The following TNNI3K variants were observed in gnomAD, a reference collection of about 807,000 sequenced individuals.
TNNI3K encodes serine/threonine-protein kinase TNNI3K.
Under a neutral mutation model 114.5 loss-of-function variants are expected in TNNI3K, and 140 were observed. That is an observed-to-expected ratio of 1.22 (90% CI 1.07 to 1.41). The LOEUF is 1.41. Among genes scored for constraint, TNNI3K ranks in the 40% most tolerant of loss-of-function variants. The pLI is 0.00. For synonymous variants in TNNI3K, 347 were observed against 347.5 expected, an observed-to-expected ratio of 1.00 and a Z score of 0.02; for missense variants, 1,125 against 1,007.6, an observed-to-expected ratio of 1.12 and a Z score of -1.58.
At chr1:74,352,340 G>A (rs1661402039) in intron 9 of TNNI3K, among the ~76,000 whole-genome samples, 1 of 152,164 alleles carries the variant, frequency 6.6e-6, no homozygotes, top group South Asian at 2.1e-4. Flanking sequence ...TTTTGTCTCA[G>A]AGGAGTACCC....
At chr1:74,457,789 G>A (rs1667288057) in intron 20 of TNNI3K, among the ~76,000 whole-genome samples, 1 of 152,046 alleles carries the variant, frequency 6.6e-6, no homozygotes, top group Non-Finnish European at 1.5e-5. Flanking sequence ...CCGTAAGTGG[G>A]GTATAGATAA....
intron 5 of TNNI3K, among the ~76,000 whole-genome samples, chr1:74,317,385 T>G (rs1474953479): frequency 3.3e-5 from 5 of 152,184 alleles, no homozygotes; most frequent in South Asian, 2.1e-4. Context: ...AAATATTAAC[T>G]CTCAATCTTT....
chr1:74,484,668 T>C (rs1668662792), intron 21 of TNNI3K, among the ~76,000 whole-genome samples: 1 of 152,000 alleles, frequency 6.6e-6, no homozygotes, highest in African/African-American at 2.4e-5. Context: ...CTCAAGGGCA[T>C]GAGGAGGTTG....
intron 5 of TNNI3K, among the ~76,000 whole-genome samples, chr1:74,321,469 C>G (rs902069806): frequency 6.6e-6 from 1 of 151,974 alleles, no homozygotes; most frequent in Non-Finnish European, 1.5e-5. Context: ...CAATTATTAC[C>G]TCTATAAAAT....
At chr1:74,401,678 G>A (rs1257530919) in intron 17 of TNNI3K, among the ~76,000 whole-genome samples, 1 of 152,154 alleles carries the variant, frequency 6.6e-6, no homozygotes, top group Non-Finnish European at 1.5e-5. Flanking sequence ...GAGGTTAAGA[G>A]AGATAATAAC....
chr1:74,533,454 A>G (rs947670284), intron 23 of TNNI3K, among the ~76,000 whole-genome samples: 23 of 152,192 alleles, frequency 1.5e-4, no homozygotes, highest in African/African-American at 4.8e-4. Context: ...ACACTTTTAC[A>G]CTGTTGGTGG....
chr1:74,538,338 TG>T (rs1230056054), intron 23 of TNNI3K, among the ~76,000 whole-genome samples: 1 of 152,020 alleles, frequency 6.6e-6, no homozygotes, highest in African/African-American at 2.4e-5. Context: ...TAAGACCCTT[TG>T]GGGGGAGTAT....
chr1:74,511,351 C>A (rs1227942746), intron 23 of TNNI3K, among the ~76,000 whole-genome samples: 1 of 152,158 alleles, frequency 6.6e-6, no homozygotes, highest in Non-Finnish European at 1.5e-5. Context: ...CGTCACTACA[C>A]CCTGCTAATT....
chr1:74,510,465 G>A (rs1041172159), intron 23 of TNNI3K, among the ~76,000 whole-genome samples: 4 of 152,072 alleles, frequency 2.6e-5, no homozygotes, highest in African/African-American at 9.7e-5. Context: ...CCGACATCGC[G>A]CCACTGCACT....
In TNNI3K at chr1:74,312,816, CTT is replaced by C. The variant is rs1204954822; in HGVS notation, c.445-18633_445-18632del. ...ATTCCGCATAGGAGAAAGGGGAAATCTTAAAACGGGAGTTGAGGGTTGCTGTT... is the reference window on the plus strand; with the variant it reads ...ATTCCGCATAGGAGAAAGGGGAAATCAAAACGGGAGTTGAGGGTTGCTGTT... On this transcript the variant is annotated intron_variant, in intron 5 of 24. Transcript: ENST00000326637. 2.0e-5 allele frequency among the ~76,000 whole-genome samples: 3 copies of C among 152,190 alleles called. No homozygotes were observed. In the East Asian group the frequency reaches 5.8e-4, roughly 29 times the overall value.
At chr1:74,286,014 C>T (rs1570419089) in intron 5 of TNNI3K, among the ~76,000 whole-genome samples, 1 of 152,234 alleles carries the variant, frequency 6.6e-6, no homozygotes, top group East Asian at 1.9e-4. Context: ...CATAAAAATA[C>T]CTTCACAAGA....
chr1:74,463,517 T>C lies in TNNI3K; in HGVS notation c.2088T>C (p.Ser696=). The C allele has an allele frequency of 6.2e-7, 1 of 1,614,222 alleles. No homozygotes were observed. Among genetic ancestry groups the C allele is most frequent in the Non-Finnish European group, 8.5e-7 (1 of 1,180,040 alleles). The change falls in exon 21 of 25, where the codon TCT becomes TCC. Residue 696 remains serine (S), a synonymous_variant. Coordinates refer to ENST00000326637, the MANE Select transcript of TNNI3K (RefSeq NM_015978.3). ...IGYSIPKPIS[S]LLIRGWNACP... is the part of the protein sequence containing the mutation. ...ATTCCATTCCCAAGCCCATATCATC[T>C]CTGCTGATACGAGGGTGGAACGCAT...
chr1:74,526,012 C>T (rs189268868), intron 23 of TNNI3K, among the ~76,000 whole-genome samples: 1 of 152,212 alleles, frequency 6.6e-6, no homozygotes, highest in East Asian at 1.9e-4. Context: ...TGTGATGAGG[C>T]AAAGGGTCCC....
intron 9 of TNNI3K, among the ~76,000 whole-genome samples, chr1:74,343,793 A>G (rs964978661): frequency 1.3e-5 from 2 of 152,156 alleles, no homozygotes; most frequent in African/African-American, 2.4e-5. Context: ...TGCAACCAAA[A>G]TAAAAAGAGA....
intron 21 of TNNI3K, chr1:74,480,957 T>A: frequency 1.4e-6 from 1 of 713,050 alleles, no homozygotes; most frequent in Non-Finnish European, 2.6e-6. Context: ...ACCCTCGTGG[T>A]CATAGGGGCT....
intron 20 of TNNI3K, among the ~76,000 whole-genome samples, chr1:74,450,582 C>T (rs1462255909): frequency 6.6e-6 from 1 of 152,008 alleles, no homozygotes; most frequent in Non-Finnish European, 1.5e-5. Flanking sequence ...AAAAAGTGGG[C>T]AAAGGACATG....
chr1:74,464,186 G>A (rs112708688), intron 21 of TNNI3K, among the ~76,000 whole-genome samples: 2,094 of 152,330 alleles, frequency 0.014, 39 homozygotes, highest in African/African-American at 0.048. Context: ...CCTGCAAGAA[G>A]GGATTCTTAA....
intron 6 of TNNI3K, among the ~76,000 whole-genome samples, chr1:74,335,100 A>G (rs1660398317): frequency 6.6e-6 from 1 of 152,234 alleles, no homozygotes; most frequent in Non-Finnish European, 1.5e-5. Flanking sequence ...TAACATTTAC[A>G]GAACAAATAC....
intron 20 of TNNI3K, among the ~76,000 whole-genome samples, chr1:74,442,844 T>G (rs1666436518): frequency 6.6e-6 from 1 of 150,644 alleles, no homozygotes; most frequent in Admixed American, 6.6e-5. Context: ...AAATTAGAAT[T>G]TAAGATTAAG....
Sources: gnomAD v4.1 joint callset for allele counts (sites outside exome capture counted in the v4.1 genomes callset) on GRCh38, gnomAD v4.1.1 for gene constraint, MANE v1.5 for transcripts, NCBI Gene and HGNC (gene_info 2026-07-23, HGNC 2026-07-21) for gene names.